Variants in PIEZO2 observed in about 807,000 individuals in gnomAD.
PIEZO2 encodes piezo type mechanosensitive ion channel component 2, also known as piezo-type mechanosensitive ion channel component 2.
PIEZO2 carries 172 observed loss-of-function variants against 337.3 expected under a neutral mutation model. The observed-to-expected ratio is 0.51, with a 90% CI of 0.45 to 0.58. PIEZO2 has a LOEUF of 0.58. Among genes scored for constraint, PIEZO2 ranks in the 20% least tolerant of loss-of-function variants. The pLI is 0.00. For missense variants in PIEZO2, 3,028 were observed against 3,391.3 expected, an observed-to-expected ratio of 0.89 and a Z score of 2.66; for synonymous variants, 1,251 against 1,228.5, an observed-to-expected ratio of 1.02 and a Z score of -0.38.
chr18:11,098,396 T>G (rs1246414718), intron 1 of PIEZO2, among the ~76,000 whole-genome samples: 1 of 151,962 alleles, frequency 6.6e-6, no homozygotes, highest in Non-Finnish European at 1.5e-5. Context: ...CTAATTTTTT[T>G]CTTTACAAAG....
intron 4 of PIEZO2, among the ~76,000 whole-genome samples, chr18:10,889,360 G>T (rs964933711): frequency 2.2e-4 from 34 of 152,204 alleles, no homozygotes; most frequent in African/African-American, 7.5e-4. Flanking sequence ...GCTACCTTGA[G>T]AAATCTTTGG....
rs1480449962 is a variant in PIEZO2, at chr18:10,894,344, C to A, written c.329+16842G>T. On this transcript the variant is annotated intron_variant, in intron 4 of 55. Transcript: ENST00000674853. This position sits in a 1 kb window ranked among gnomAD's most constrained non-coding sequence, Gnocchi z 4.1. ...TGGTGGACGCCTGTAATCCCAACTA[C>A]TTGGGAGGCTGAGGCAGGAAAATCG... Among the ~76,000 whole-genome samples, 1 of 152,114 alleles carries A rather than the reference C, an allele frequency of 6.6e-6. No individual in the cohort carries two copies. The highest frequency in any genetic ancestry group is 1.5e-5 in the Non-Finnish European group (1 of 68,026).
intron 2 of PIEZO2, among the ~76,000 whole-genome samples, chr18:10,994,510 A>G (rs1263745494): frequency 6.6e-6 from 1 of 151,310 alleles, no homozygotes. Flanking sequence ...CCAGGGTTCA[A>G]GCAATTTTCC....
chr18:10,828,793 C>G lies in PIEZO2; in HGVS notation c.918-21519G>C, dbSNP rs192225996. Among the ~76,000 whole-genome samples the G allele has an allele frequency of 1.7e-3, 266 of 152,266 alleles. 5 individuals carry two copies. Among genetic ancestry groups the G allele is most frequent in the African/African-American group, 6.3e-3 (261 of 41,558 alleles). The stretch of plus-strand genomic sequence containing the variant: ...CTAATGCCCAGAGCTCCATCTCACC[C>G]CATCACTTCCAAGCTGCTGCATCCT... On this transcript the variant is annotated intron_variant, in intron 7 of 55. Coordinates refer to ENST00000674853, the MANE Select transcript of PIEZO2 (RefSeq NM_001378183.1). The surrounding 1 kb of genome is among the most constrained non-coding windows in gnomAD (Gnocchi z 4.1).
At chr18:10,749,101 G>A (rs1282395327) in intron 29 of PIEZO2, among the ~76,000 whole-genome samples, 3 of 152,018 alleles carry the variant, frequency 2.0e-5, no homozygotes, top group Non-Finnish European at 4.4e-5. Flanking sequence ...GAAAAACAAC[G>A]TCCCAGTGAG....
chr18:10,940,378 C>A lies in PIEZO2; in HGVS notation c.287-29150G>T, dbSNP rs2145244780. On this transcript the variant is annotated intron_variant, in intron 3 of 55. Transcript: ENST00000674853. The surrounding 1 kb of genome is among the most constrained non-coding windows in gnomAD (Gnocchi z 5.3). ...GTACTGGGTCTAGATACTGATTTCA[C>A]AGGATCAGTGCTACATGGATGCCAA... is the stretch of plus-strand genomic sequence containing the variant. 6.6e-6 allele frequency among the ~76,000 whole-genome samples: 1 copy of A among 152,326 alleles called. No individual in the cohort carries two copies.
At chr18:10,825,549 C>CT (rs1598539761) in intron 7 of PIEZO2, among the ~76,000 whole-genome samples, 3 of 108,862 alleles carry the variant, frequency 2.8e-5, no homozygotes, top group Non-Finnish European at 3.6e-5. Context: ...TTCCTTTCTT[C>CT]CTTTTTTTTT....
At chr18:11,020,977 G>C (rs2036289799) in intron 2 of PIEZO2, among the ~76,000 whole-genome samples, 2 of 152,222 alleles carry the variant, frequency 1.3e-5, no homozygotes, top group African/African-American at 4.8e-5. Flanking sequence ...ACAAAAAGCA[G>C]ATGCAGCTTA....
intron 49 of PIEZO2, among the ~76,000 whole-genome samples, chr18:10,683,600 G>T (rs745944395): frequency 6.6e-6 from 1 of 152,008 alleles, no homozygotes; most frequent in Non-Finnish European, 1.5e-5. Flanking sequence ...GGAAGACTAG[G>T]GTCCCATATT....
chr18:10,719,570 T>C (rs1164636870), intron 36 of PIEZO2, among the ~76,000 whole-genome samples: 1 of 152,234 alleles, frequency 6.6e-6, no homozygotes, highest in African/African-American at 2.4e-5. Flanking sequence ...TATACATATA[T>C]ATCATTTTAT....
At chr18:10,826,801 G>A (rs1189854) in intron 7 of PIEZO2, among the ~76,000 whole-genome samples, 69,838 of 151,956 alleles carry the variant, frequency 0.46, 16,761 homozygotes, top group African/African-American at 0.61. Context: ...TCACCACTAC[G>A]GTACCATACA....
intron 1 of PIEZO2, among the ~76,000 whole-genome samples, chr18:11,086,732 A>G (rs2038928204): frequency 6.8e-6 from 1 of 148,146 alleles, no homozygotes; most frequent in Non-Finnish European, 1.5e-5. Context: ...TCTTACAATA[A>G]AAAAGAGACA....
At chr18:10,777,067 A>C (rs2038816274) in intron 18 of PIEZO2, among the ~76,000 whole-genome samples, 1 of 152,204 alleles carries the variant, frequency 6.6e-6, no homozygotes, top group Non-Finnish European at 1.5e-5. Flanking sequence ...CATGATGATG[A>C]ACAGGATTCC....
chr18:10,695,236 T>C (rs2035030177), intron 47 of PIEZO2, among the ~76,000 whole-genome samples: 1 of 152,214 alleles, frequency 6.6e-6, no homozygotes, highest in Admixed American at 6.5e-5. Flanking sequence ...AGACAGTCTA[T>C]AGAGAAGTGT....
chr18:11,067,061 G>C (rs535063070), intron 1 of PIEZO2, among the ~76,000 whole-genome samples: 114 of 152,252 alleles, frequency 7.5e-4, no homozygotes, highest in African/African-American at 2.6e-3. Flanking sequence ...CATACCACTA[G>C]AGAAAATCAC....
chr18:10,725,741 G>A (rs950243741), intron 36 of PIEZO2, among the ~76,000 whole-genome samples: 2 of 152,222 alleles, frequency 1.3e-5, no homozygotes, highest in African/African-American at 4.8e-5. Context: ...AGTGGCGGCA[G>A]GGCTGGTGAG....
chr18:10,835,170 G>A (rs1477116497), intron 7 of PIEZO2, among the ~76,000 whole-genome samples: 1 of 152,158 alleles, frequency 6.6e-6, no homozygotes, highest in Non-Finnish European at 1.5e-5. Flanking sequence ...CCAGAATTAT[G>A]AGAAATAAAT....
intron 3 of PIEZO2, among the ~76,000 whole-genome samples, chr18:10,917,138 TCACC>T (rs34158506): frequency 0.94 from 143,079 of 151,842 alleles, 67,530 homozygotes; most frequent in East Asian, 1. Flanking sequence ...AAAAGGTCGG[TCACC>T]CACCAATATG....
intron 35 of PIEZO2, among the ~76,000 whole-genome samples, chr18:10,731,891 T>C (rs1006469410): frequency 6.6e-6 from 1 of 152,218 alleles, no homozygotes; most frequent in Non-Finnish European, 1.5e-5. Context: ...CCATCACAAG[T>C]AAACTTTGAG....
Sources: gnomAD v4.1 joint callset for allele counts (sites outside exome capture counted in the v4.1 genomes callset) on GRCh38, gnomAD v4.1.1 for gene constraint, Gnocchi (gnomAD v3.1) non-coding constraint, MANE v1.5 for transcripts, NCBI Gene and HGNC (gene_info 2026-07-23, HGNC 2026-07-21) for gene names.